Variants in TNNI3K observed in about 807,000 individuals in gnomAD.
TNNI3K encodes the protein serine/threonine-protein kinase TNNI3K.
Under a neutral mutation model 114.5 loss-of-function variants are expected in TNNI3K, and 140 were observed. The ratio of observed to expected loss-of-function variants is 1.22; its 90% CI spans 1.07 to 1.41. TNNI3K has a LOEUF of 1.41. Ranked by LOEUF, TNNI3K falls within the 40% of genes most tolerant of loss-of-function variation. The probability of loss-of-function intolerance (pLI) is 0.00; values close to 1 mark genes in which losing one functional copy is unlikely to be tolerated. For missense variants in TNNI3K, 1,125 were observed against 1,007.6 expected (o/e 1.12, Z -1.58); for synonymous variants, 347 against 347.5 (o/e 1.00, Z 0.02).
At chr1:74,479,177 A>G (rs909438633) in intron 21 of TNNI3K, among the ~76,000 whole-genome samples, 10 of 151,950 alleles carry the variant, frequency 6.6e-5, no homozygotes, top group African/African-American at 2.4e-4. Flanking sequence ...CCCCCTCATC[A>G]CCATGGTTAC....
intron 23 of TNNI3K, among the ~76,000 whole-genome samples, chr1:74,498,230 A>G (rs1186106446): frequency 6.6e-6 from 1 of 152,158 alleles, no homozygotes; most frequent in Non-Finnish European, 1.5e-5. Context: ...ACTGTATCTT[A>G]ACAGTTTTTT....
chr1:74,462,574 T>TAAC (rs950898959), intron 20 of TNNI3K, among the ~76,000 whole-genome samples: 1 of 152,194 alleles, frequency 6.6e-6, no homozygotes, highest in Non-Finnish European at 1.5e-5. Context: ...GCTCCACACA[T>TAAC]AACAACAACA....
chr1:74,255,110 T>C (rs1221683356), intron 4 of TNNI3K, among the ~76,000 whole-genome samples: 2 of 152,068 alleles, frequency 1.3e-5, no homozygotes, highest in East Asian at 3.9e-4. Flanking sequence ...ATGCCTAACT[T>C]TTGGGAGGCC....
chr1:74,374,733 T>C (rs1662817990), intron 17 of TNNI3K: 1 of 151,942 alleles, frequency 6.6e-6, no homozygotes, highest in Non-Finnish European at 1.5e-5. Flanking sequence ...TGTTTAAATA[T>C]TTTGAAAATG....
intron 7 of TNNI3K, among the ~76,000 whole-genome samples, chr1:74,340,251 T>G (rs141476847): frequency 0.01 from 1,574 of 152,242 alleles, 8 homozygotes; most frequent in Non-Finnish European, 0.016. Context: ...ACCTACTCTC[T>G]TCAAAACAGA....
At chr1:74,519,947 C>T (rs1646406875) in intron 23 of TNNI3K, among the ~76,000 whole-genome samples, 1 of 152,120 alleles carries the variant, frequency 6.6e-6, no homozygotes, top group Non-Finnish European at 1.5e-5. Context: ...ACAGCTATTT[C>T]TCCTTTGGAT....
chr1:74,372,431 T>A (rs1447839609), intron 17 of TNNI3K: 1 of 151,868 alleles, frequency 6.6e-6, no homozygotes, highest in African/African-American at 2.4e-5. Context: ...GGTAGAATCT[T>A]AAATATTGAA....
In TNNI3K at chr1:74,369,551, G is replaced by T. The variant is rs548476603; in HGVS notation, c.1633G>T (p.Gly545Cys). 1.9e-6 allele frequency: 3 copies of T among 1,611,122 alleles called. No individual in the cohort carries two copies. Among genetic ancestry groups the T allele is most frequent in the East Asian group, 2.2e-5 (1 of 44,792 alleles). The change falls in exon 16 of 25, where the codon GGT (glycine) becomes TGT (cysteine). Residue 545 changes from glycine (G) to cysteine (C), a missense_variant. Physicochemically the swap from Gly to Cys is radical, Grantham distance 159. Coordinates refer to ENST00000326637, the MANE Select transcript of TNNI3K (RefSeq NM_015978.3). ...CATTGTCACTCAATACATATCAGGG[G>T]GTTCTCTGTTCTCCCTCCTTCATGA... Reference protein sequence around the residue: ...FAIVTQYISGGSLFSLLHEQK... With the variant: ...FAIVTQYISGCSLFSLLHEQK...
At chr1:74,343,226 C>A in intron 9 of TNNI3K, 47 bp downstream of exon 9, 2 of 1,551,750 alleles carry the variant, frequency 1.3e-6, no homozygotes, top group South Asian at 2.4e-5. Context: ...AGCTGACACT[C>A]TAAAGCACCT....
At chr1:74,469,445 T>A (rs1429735601) in intron 21 of TNNI3K, 2 of 153,182 alleles carry the variant, frequency 1.3e-5, no homozygotes, top group East Asian at 3.8e-4. Flanking sequence ...CAAATATGAA[T>A]ATATAATTAT....
At chr1:74,247,954 G>C (rs1029492301) in intron 2 of TNNI3K, among the ~76,000 whole-genome samples, 1 of 152,088 alleles carries the variant, frequency 6.6e-6, no homozygotes. Context: ...AGCAGGGGGT[G>C]GTGCCCGTCG....
rs199822187 is a variant in TNNI3K, at chr1:74,540,226, T to G, written c.2352-8T>G. ...ATACTGTGAAACTGTGTTTTATTAA[T>G]TTTCCAGTGCTGGACAATATTCCTC... On this transcript the variant is annotated splice_polypyrimidine_tract_variant and splice_region_variant and intron_variant, in intron 23 of 24. Coordinates refer to ENST00000326637, the MANE Select transcript of TNNI3K (RefSeq NM_015978.3). The G allele has an allele frequency of 6.8e-6, 11 of 1,610,366 alleles. No homozygotes were observed. Among genetic ancestry groups the G allele is most frequent in the Non-Finnish European group, 9.3e-6 (11 of 1,178,348 alleles).
chr1:74,261,392 C>T (rs1292930737), intron 4 of TNNI3K, among the ~76,000 whole-genome samples: 2 of 151,972 alleles, frequency 1.3e-5, no homozygotes, highest in Non-Finnish European at 1.5e-5. Flanking sequence ...ACTGAAGCCG[C>T]CAGTGTAAAT....
chr1:74,240,741 T>G (rs1654140958), intron 2 of TNNI3K: 1 of 152,086 alleles, frequency 6.6e-6, no homozygotes, highest in Admixed American at 6.5e-5. Flanking sequence ...TTTAAAACCA[T>G]GAGAATACTC....
chr1:74,318,581 C>G (rs1333660586), intron 5 of TNNI3K, among the ~76,000 whole-genome samples: 1 of 152,190 alleles, frequency 6.6e-6, no homozygotes, highest in Non-Finnish European at 1.5e-5. Context: ...CCCCTGTTTG[C>G]TTAGAAAACT....
At chr1:74,475,954 T>C (rs1471575721) in intron 21 of TNNI3K, 1 of 450,820 alleles carries the variant, frequency 2.2e-6, no homozygotes, top group Non-Finnish European at 3.9e-6. Flanking sequence ...TGGAAAAATA[T>C]CAGTCCAGAC....
At chr1:74,480,908 C>A in intron 21 of TNNI3K, 1 of 717,380 alleles carries the variant, frequency 1.4e-6, no homozygotes, top group East Asian at 2.7e-5. Context: ...CAGGTTTGTG[C>A]TCTCAATAGA....
intron 21 of TNNI3K, chr1:74,464,985 T>G (rs1667605791): frequency 2.1e-5 from 25 of 1,206,040 alleles, no homozygotes; most frequent in Non-Finnish European, 2.6e-5. Flanking sequence ...AATTTCATCT[T>G]GAAAATTACA....
rs780678978 is a variant in TNNI3K, at chr1:74,354,076, G to A, written c.1124G>A (p.Arg375Lys). Residue 375 changes from arginine (R) to lysine (K), a missense_variant, in exon 11 of 25, where the codon AGG (arginine) becomes AAG (lysine). Transcript: ENST00000326637. ...DMNLVACDPSRSSGEKDEQTC... is the reference protein window; with the variant it reads ...DMNLVACDPSKSSGEKDEQTC... ...AATCTAGTGGCTTGTGATCCCAGCA[G>A]GTCTAGTGGTGAAAAAGATGAGCAG... 8.7e-6 allele frequency: 14 copies of A among 1,614,050 alleles called. No homozygotes were observed. The highest frequency in any genetic ancestry group is 1.2e-5 in the Non-Finnish European group (14 of 1,180,002).
Sources: allele counts gnomAD v4.1 joint callset (sites outside exome capture counted in the v4.1 genomes callset), GRCh38; gene constraint gnomAD v4.1.1; transcripts MANE v1.5; gene names NCBI Gene and HGNC (gene_info 2026-07-23, HGNC 2026-07-21).